The following MAPK10 variants were observed in gnomAD, a reference collection of about 807,000 sequenced individuals.
MAPK10 encodes mitogen-activated protein kinase 10.
In MAPK10, 25 loss-of-function variants were observed where a neutral mutation model predicts 59.3. That is an observed-to-expected ratio of 0.42 (90% confidence interval 0.31 to 0.59). The LOEUF (loss-of-function observed/expected upper bound fraction) is 0.59. MAPK10 is among the 20% of genes least tolerant of loss of function. MAPK10 has a pLI of 0.15. For missense variants in MAPK10, 351 were observed against 568.9 expected, an observed-to-expected ratio of 0.62 and a Z score of 3.90; for synonymous variants, 190 against 200.5, an observed-to-expected ratio of 0.95 and a Z score of 0.44.
At chr4:86,305,333 T>C (rs2095547725) in intron 2 of MAPK10, among the ~76,000 whole-genome samples, 1 of 152,176 alleles carries the variant, frequency 6.6e-6, no homozygotes. Context: ...ATTAAAGCAA[T>C]TCTTACTGTT....
rs1742035053 is a variant in MAPK10 at position 86,013,472 on chromosome 4, GC to G, written c.*3755del. ...TTTCAGCAAAGCTGGCTAATAACATGCCTTACAGAGCATAATGCACTTAAGA... is the reference window on the plus strand; with the variant it reads ...TTTCAGCAAAGCTGGCTAATAACATGCTTACAGAGCATAATGCACTTAAGA... On this transcript the variant is annotated 3_prime_UTR_variant, in exon 14 of 14. Coordinates refer to ENST00000641462, the MANE Select transcript of MAPK10 (RefSeq NM_138982.4). 1 of 152,176 alleles carries G rather than the reference GC, an allele frequency of 6.6e-6. No homozygotes were observed. The allele number at this position is 152,176 out of a possible 1,614,324, so 9.4% of individuals were successfully genotyped here. A position where few individuals can be genotyped will look rare whatever the true frequency, so the allele number is the denominator to read the frequency against.
At chr4:86,228,245 C>T (rs762542627) in intron 2 of MAPK10, among the ~76,000 whole-genome samples, 1 of 152,128 alleles carries the variant, frequency 6.6e-6, no homozygotes, top group Non-Finnish European at 1.5e-5. Context: ...GGAGCATGGG[C>T]TCTGCATTGT....
At chr4:86,256,919 A>AT (rs2093761932) in intron 2 of MAPK10, among the ~76,000 whole-genome samples, 1 of 149,926 alleles carries the variant, frequency 6.7e-6, no homozygotes. Flanking sequence ...CGCCCGTCTA[A>AT]TTTTTTGTAT....
chr4:86,161,551 C>T (rs115979472), intron 3 of MAPK10, among the ~76,000 whole-genome samples: 1,876 of 151,108 alleles, frequency 0.012, 20 homozygotes, highest in Non-Finnish European at 0.017. Context: ...GCAACTGGAG[C>T]TAGAATATAA....
At chr4:86,458,467 CA>C (rs563960065) in intron 1 of MAPK10, among the ~76,000 whole-genome samples, 7 of 144,898 alleles carry the variant, frequency 4.8e-5, no homozygotes, top group Admixed American at 2.1e-4. Context: ...ATCTCAAAAA[CA>C]AAAAAAAAAG....
intron 3 of MAPK10, among the ~76,000 whole-genome samples, chr4:86,188,698 G>A (rs1288294215): frequency 6.6e-6 from 1 of 152,106 alleles, no homozygotes; most frequent in African/African-American, 2.4e-5. Context: ...TGGGTTGCCT[G>A]TTCACTCTGG....
intron 4 of MAPK10, among the ~76,000 whole-genome samples, chr4:86,158,492 T>C: frequency 6.6e-6 from 1 of 151,782 alleles, no homozygotes; most frequent in Non-Finnish European, 1.5e-5. Context: ...ATTGTATAAA[T>C]AAATATCCTT....
At chr4:86,076,496 T>C (rs2049504001) in intron 9 of MAPK10, among the ~76,000 whole-genome samples, 1 of 152,220 alleles carries the variant, frequency 6.6e-6, no homozygotes, top group Admixed American at 6.5e-5. Flanking sequence ...CCATGTTCAG[T>C]GCTTGTTTCA....
chr4:86,120,277 G>A (rs1227498056), intron 4 of MAPK10: 1 of 152,184 alleles, frequency 6.6e-6, no homozygotes, highest in Non-Finnish European at 1.5e-5. Context: ...GTGCTTGGTA[G>A]ACACTAAATT....
At chr4:86,556,572 G>A (rs547240163) in intron 1 of MAPK10, among the ~76,000 whole-genome samples, 5 of 152,164 alleles carry the variant, frequency 3.3e-5, no homozygotes, top group Admixed American at 1.3e-4. Flanking sequence ...TTCACTCACT[G>A]GGAAGAAAAC....
chr4:86,492,125 A>G (rs1754499631), intron 1 of MAPK10, among the ~76,000 whole-genome samples: 1 of 152,202 alleles, frequency 6.6e-6, no homozygotes, highest in South Asian at 2.1e-4. Context: ...TGTTCTCAAA[A>G]TTGGAGTATG....
At chr4:86,197,822 C>T (rs932065807) in intron 2 of MAPK10, among the ~76,000 whole-genome samples, 11 of 151,988 alleles carry the variant, frequency 7.2e-5, no homozygotes, top group African/African-American at 2.2e-4. Flanking sequence ...TGCCTAGCGC[C>T]GGCAAGGGAA....
intron 1 of MAPK10, among the ~76,000 whole-genome samples, chr4:86,400,378 A>G (rs2149016809): frequency 1.3e-5 from 2 of 152,180 alleles, no homozygotes; most frequent in East Asian, 3.9e-4. Flanking sequence ...GAACATTACT[A>G]TAGTGACGTA....
rs540869243 is a variant in MAPK10, at chr4:86,035,967, T to C, written c.1111-4536A>G. Among the ~76,000 whole-genome samples, 6 of 152,240 alleles carry C rather than the reference T, an allele frequency of 3.9e-5. No individual in the cohort carries two copies. The South Asian group carries it at 1.2e-3, about 32-fold the overall frequency. On this transcript the variant is annotated intron_variant, in intron 11 of 13. Transcript: ENST00000641462. Reference sequence around the variant, plus strand: ...GTCACCCAGGGAAGATATGTGGGTATAGAGAGTAAATGGCCAAATTAAAAT... The same window carrying C: ...GTCACCCAGGGAAGATATGTGGGTACAGAGAGTAAATGGCCAAATTAAAAT...
chr4:86,401,033 G>A (rs4235079), intron 1 of MAPK10, among the ~76,000 whole-genome samples: 28,272 of 152,006 alleles, frequency 0.19, 2,717 homozygotes, highest in South Asian at 0.28. Context: ...TTACAAATTA[G>A]TGGTCTTAGT....
intron 1 of MAPK10, among the ~76,000 whole-genome samples, chr4:86,470,642 G>A (rs1286985186): frequency 2.0e-5 from 3 of 150,280 alleles, no homozygotes; most frequent in Non-Finnish European, 3.0e-5. Context: ...CTTCCTTTTT[G>A]TTTTTTCATT....
chr4:86,575,212 C>A (rs886202740), intron 1 of MAPK10, among the ~76,000 whole-genome samples: 2 of 152,180 alleles, frequency 1.3e-5, no homozygotes, highest in South Asian at 4.1e-4. Flanking sequence ...CTCAGGCCTT[C>A]GGACTCAGAC....
At chr4:86,551,213 C>T (rs1759747885) in intron 1 of MAPK10, among the ~76,000 whole-genome samples, 1 of 152,176 alleles carries the variant, frequency 6.6e-6, no homozygotes, top group African/African-American at 2.4e-5. Context: ...AATGAAACCA[C>T]TTCATTTACA....
At chr4:86,210,097 T>G (rs2085356581) in intron 2 of MAPK10, among the ~76,000 whole-genome samples, 1 of 151,998 alleles carries the variant, frequency 6.6e-6, no homozygotes, top group Admixed American at 6.6e-5. Flanking sequence ...AACTAGACCC[T>G]AATCTCTCAC....
Sources: allele counts gnomAD v4.1 joint callset (sites outside exome capture counted in the v4.1 genomes callset), GRCh38; gene constraint gnomAD v4.1.1; transcripts MANE v1.5; gene names NCBI Gene and HGNC (gene_info 2026-07-23, HGNC 2026-07-21).